Variants in SCART1 observed in about 807,000 individuals in gnomAD.
SCART1 encodes scavenger receptor cysteine-rich domain-containing protein SCART1.
A neutral mutation model predicts 36.2 loss-of-function variants in SCART1; 62 were observed. That is an observed-to-expected ratio of 1.71 (90% CI 1.40 to 2.12). The LOEUF is 2.12. SCART1 is among the 30% of genes most tolerant of loss of function. The pLI, the probability that SCART1 is intolerant of heterozygous loss-of-function variation, is 0.00. For missense variants in SCART1, 1,041 were observed against 540.5 expected, an observed-to-expected ratio of 1.93 and a Z score of -9.18; for synonymous variants, 487 against 238.7, an observed-to-expected ratio of 2.04 and a Z score of -9.59.
At chr10:133,464,692 T>C in exon 7 of SCART1, 1 of 701,536 alleles carries the variant, frequency 1.4e-6, no homozygotes, top group East Asian at 2.7e-5. Flanking sequence ...GGGCGCCATG[T>C]GCAGCAATGC....
exon 2 of SCART1, chr10:133,456,468 A>T (rs1043094848): frequency 1.4e-6 from 1 of 702,084 alleles, no homozygotes; most frequent in Non-Finnish European, 2.6e-6. Flanking sequence ...TGCCGGGGCA[A>T]CGAGTCCTCC....
intron 6 of SCART1, among the ~76,000 whole-genome samples, chr10:133,463,900 T>C (rs1850732875): frequency 6.6e-6 from 1 of 152,178 alleles, no homozygotes; most frequent in East Asian, 1.9e-4. Flanking sequence ...TACAGTGCTA[T>C]AGAATGCTAG....
At chr10:133,458,877 G>T in intron 4 of SCART1, 144 bp from the exon 5 acceptor site, 1 of 630,856 alleles carries the variant, frequency 1.6e-6, no homozygotes, top group Non-Finnish European at 2.8e-6. Context: ...GCTGGATGCT[G>T]ATGCAGAGGA....
At chr10:133,469,321 C>G (rs1379708735), downstream of SCART1, 6 of 152,112 alleles carry the variant, frequency 3.9e-5, no homozygotes, top group Admixed American at 1.3e-4. Flanking sequence ...TTTCTCCCAT[C>G]CCGTAGGTTG....
At chr10:133,468,577 A>G (rs1389683106) in exon 12 of SCART1, 2 of 152,342 alleles carry the variant, frequency 1.3e-5, no homozygotes, top group Middle Eastern at 3.4e-3. Flanking sequence ...TGTGTTCCAC[A>G]TTTAATTTCA....
chr10:133,469,040 TG>T (rs1221577845), exon 12 of SCART1: 1 of 152,212 alleles, frequency 6.6e-6, no homozygotes, highest in Non-Finnish European at 1.5e-5. Flanking sequence ...CTCCAGCATC[TG>T]TTGTTTCCTG....
chr10:133,469,555 G>C (rs1850795538), downstream of SCART1, among the ~76,000 whole-genome samples: 1 of 151,846 alleles, frequency 6.6e-6, no homozygotes. Context: ...AGAACACATG[G>C]ACACGGGGAG....
rs548963148 is a variant in SCART1, at chr10:133,454,176, C to T, written c.67+112C>T. On this transcript the variant is annotated intron_variant, in intron 1 of 11. Coordinates refer to ENST00000640237, the Ensembl canonical transcript of SCART1. ...AGTGACCTGCCGTCTGCCTGGGTCT[C>T]ACTCAGCCCAGAGTGGGTGGGACAT... is the stretch of plus-strand genomic sequence containing the variant. 272 of 685,220 alleles carry T rather than the reference C, an allele frequency of 4.0e-4. 1 individual carries two copies. The highest frequency in any genetic ancestry group is 3.6e-3 in the African/African-American group (207 of 56,842). 42.4% of individuals were successfully genotyped at this position (685,220 alleles called of 1,614,324 possible). A position where few individuals can be genotyped will look rare whatever the true frequency, so the allele number is the denominator to read the frequency against.
At chr10:133,456,820 G>A (rs1421154375) in intron 2 of SCART1, among the ~76,000 whole-genome samples, 4 of 152,200 alleles carry the variant, frequency 2.6e-5, no homozygotes, top group Non-Finnish European at 5.9e-5. Flanking sequence ...CCAGGCGTGG[G>A]GGAGGCAGCA....
chr10:133,465,187 C>G lies in SCART1; in HGVS notation c.2344+13C>G, dbSNP rs1367732448. On this transcript the variant is annotated intron_variant, in intron 8 of 11. Transcript: ENST00000640237. ...CTCGGCTGCCCAGGTACCCCTCTGT[C>G]CTTGTCGCTGTCCTCCTTCCCATCC... is the stretch of plus-strand genomic sequence containing the variant. 1.4e-6 allele frequency: 1 copy of G among 703,042 alleles called. No homozygotes were observed. Among genetic ancestry groups the G allele is most frequent in the Admixed American group, 2.0e-5 (1 of 50,024 alleles). The allele number at this position is 703,042 out of a possible 1,614,324, so 43.6% of individuals were successfully genotyped here.
At chr10:133,462,127 G>A (rs1427975880) in intron 6 of SCART1, among the ~76,000 whole-genome samples, 2 of 152,232 alleles carry the variant, frequency 1.3e-5, no homozygotes, top group African/African-American at 4.8e-5. Flanking sequence ...GTGGGGCGGG[G>A]CACTCGTGGC....
chr10:133,456,598 G>T (rs1420386555), intron 2 of SCART1, 44 bp downstream of exon 2: 6 of 618,522 alleles, frequency 9.7e-6, no homozygotes, highest in African/African-American at 9.1e-5. Context: ...GGAGGAGGAG[G>T]AGTGGGAGGA....
chr10:133,454,562 G>A lies in SCART1; in HGVS notation c.67+498G>A, dbSNP rs116266355. Among the ~76,000 whole-genome samples the A allele has an allele frequency of 4.6e-3, 696 of 152,274 alleles. 8 individuals carry two copies. Among genetic ancestry groups the A allele is most frequent in the African/African-American group, 0.015 (614 of 41,544 alleles). ...GCTGCTGGGTCAGGGGCAGGGAGGT[G>A]TAGAGAGGGGGGTCTAGCTAGAAGG... On this transcript the variant is annotated intron_variant, in intron 1 of 11. Coordinates refer to ENST00000640237, the Ensembl canonical transcript of SCART1.
intron 3 of SCART1, 39 bp downstream of exon 3, chr10:133,457,614 T>A (rs1210211779): frequency 1.6e-6 from 1 of 643,086 alleles, no homozygotes. Context: ...ACCCTTGGGA[T>A]GATGCTGGGC....
At chr10:133,465,284 A>G (rs563589427) in exon 9 of SCART1, 1 of 679,148 alleles carries the variant, frequency 1.5e-6, no homozygotes, top group Admixed American at 2.1e-5. Flanking sequence ...GGGGGCGAGG[A>G]CCGCTGCTCC....
exon 9 of SCART1, chr10:133,465,421 G>A (rs1489782872): frequency 1.6e-5 from 9 of 567,800 alleles, no homozygotes; most frequent in South Asian, 4.3e-5. Flanking sequence ...CCTGGGGGCC[G>A]CCGCCTTTGG....
intron 6 of SCART1, among the ~76,000 whole-genome samples, chr10:133,462,916 G>A (rs984550182): frequency 6.6e-6 from 1 of 152,164 alleles, no homozygotes; most frequent in Non-Finnish European, 1.5e-5. Context: ...GATACTTATG[G>A]ACACTTTTGT....
chr10:133,456,600 G>C (rs959908502), intron 2 of SCART1, 46 bp downstream of exon 2: 10 of 618,772 alleles, frequency 1.6e-5, no homozygotes, highest in East Asian at 5.5e-5. Context: ...AGGAGGAGGA[G>C]TGGGAGGACG....
chr10:133,468,048 G>C (rs771755442), exon 12 of SCART1: 2 of 607,506 alleles, frequency 3.3e-6, no homozygotes, highest in African/African-American at 3.6e-5. Flanking sequence ...AGTGGATTTC[G>C]TGAGAACACC....
Sources: allele counts gnomAD v4.1 joint callset (sites outside exome capture counted in the v4.1 genomes callset), GRCh38; gene constraint gnomAD v4.1.1; transcripts MANE v1.5; gene names NCBI Gene and HGNC (gene_info 2026-07-23, HGNC 2026-07-21).